Variants in TENM3 observed in about 807,000 individuals in gnomAD.
TENM3 encodes teneurin-3.
In TENM3, 63 loss-of-function variants were observed where a neutral mutation model predicts 255.1. The observed-to-expected ratio is 0.25, with a 90% CI of 0.20 to 0.30. The LOEUF (loss-of-function observed/expected upper bound fraction) is 0.30, where lower values mean the gene tolerates loss of function less well. Among genes scored for constraint, TENM3 ranks in the 10% least tolerant of loss-of-function variants. The pLI is 1.00. For synonymous variants in TENM3, 1,306 were observed against 1,322.3 expected (o/e 0.99, Z 0.27); for missense variants, 2,929 against 3,461.1 (o/e 0.85, Z 3.86).
At chr4:181,718,046 C>A in the TENM3 span, among the ~76,000 whole-genome samples, 1 of 151,356 alleles carries the variant, frequency 6.6e-6, no homozygotes, top group Non-Finnish European at 1.5e-5. Context: ...GCTGTGCATT[C>A]GACATAATAT....
chr4:181,802,888 G>T, the TENM3 span, among the ~76,000 whole-genome samples: 2 of 152,160 alleles, frequency 1.3e-5, no homozygotes, highest in South Asian at 4.2e-4. Flanking sequence ...AAATTACTTT[G>T]ATTACTCCTG....
At chr4:181,906,492 A>G in the TENM3 span, 3 of 155,350 alleles carry the variant, frequency 1.9e-5, no homozygotes, top group Non-Finnish European at 2.9e-5. Context: ...ACCTTACTTA[A>G]TCCTCAAGCG....
the TENM3 span, among the ~76,000 whole-genome samples, chr4:181,461,991 C>T: frequency 6.6e-6 from 1 of 152,072 alleles, no homozygotes; most frequent in Non-Finnish European, 1.5e-5. Flanking sequence ...TATTCCTTTC[C>T]AACAAAAGTA....
chr4:182,287,412 C>T (rs575445875), intron 1 of TENM3, among the ~76,000 whole-genome samples: 1 of 152,250 alleles, frequency 6.6e-6, no homozygotes, highest in South Asian at 2.1e-4. Flanking sequence ...TCTGCAGTTC[C>T]TTCCGCTTGA....
chr4:182,481,682 C>T (rs904880454), intron 3 of TENM3, among the ~76,000 whole-genome samples: 1 of 152,130 alleles, frequency 6.6e-6, no homozygotes, highest in Admixed American at 6.6e-5. Context: ...GTAGTCCCAG[C>T]TACTGGGAAG....
chr4:182,038,389 A>C, the TENM3 span, among the ~76,000 whole-genome samples: 1 of 152,228 alleles, frequency 6.6e-6, no homozygotes, highest in Non-Finnish European at 1.5e-5. Flanking sequence ...TAAGTGCTTT[A>C]CAAATGTTAA....
At chr4:182,331,369 A>C (rs924154917) in intron 2 of TENM3, among the ~76,000 whole-genome samples, 3 of 152,112 alleles carry the variant, frequency 2.0e-5, no homozygotes, top group Non-Finnish European at 2.9e-5. Context: ...AACATGCAGA[A>C]ACCCGGTCTC....
At chr4:182,344,537 C>T (rs541530449) in intron 2 of TENM3, among the ~76,000 whole-genome samples, 1 of 152,224 alleles carries the variant, frequency 6.6e-6, no homozygotes, top group African/African-American at 2.4e-5. Context: ...TCCTTCACCT[C>T]ATAGATTTTT....
intron 2 of TENM3, among the ~76,000 whole-genome samples, chr4:182,326,310 A>G (rs2150519428): frequency 6.6e-6 from 1 of 152,178 alleles, no homozygotes; most frequent in Non-Finnish European, 1.5e-5. Flanking sequence ...TCCCCTGGTG[A>G]GGTGGGTCCC....
chr4:182,177,365 T>C (rs986401908), intron 1 of TENM3, among the ~76,000 whole-genome samples: 6 of 152,116 alleles, frequency 3.9e-5, no homozygotes, highest in Non-Finnish European at 8.8e-5. Context: ...CCCGGCTGCA[T>C]TGGAGTTCCT....
chr4:181,743,871 G>T, the TENM3 span, among the ~76,000 whole-genome samples: 1 of 151,966 alleles, frequency 6.6e-6, no homozygotes, highest in Non-Finnish European at 1.5e-5. Flanking sequence ...TTGTTATATA[G>T]GTAAAAGTGT....
intron 3 of TENM3, among the ~76,000 whole-genome samples, chr4:182,401,660 C>A (rs959212495): frequency 2.0e-5 from 3 of 152,086 alleles, no homozygotes; most frequent in Non-Finnish European, 2.9e-5. Context: ...CACTGAGTCA[C>A]TTACTTTATT....
the TENM3 span, among the ~76,000 whole-genome samples, chr4:182,126,558 T>C: frequency 1.3e-5 from 2 of 152,170 alleles, no homozygotes; most frequent in African/African-American, 4.8e-5. Context: ...ACATCTTCAA[T>C]CCAGAAGTAT....
the TENM3 span, among the ~76,000 whole-genome samples, chr4:181,799,698 C>A: frequency 1.3e-5 from 2 of 148,620 alleles, no homozygotes; most frequent in Non-Finnish European, 3.0e-5. Flanking sequence ...CAAACACTTT[C>A]TTAGCAGGTA....
the TENM3 span, among the ~76,000 whole-genome samples, chr4:181,650,585 A>G: frequency 6.6e-6 from 1 of 152,194 alleles, no homozygotes; most frequent in Admixed American, 6.5e-5. Context: ...AATTCTGCAG[A>G]TCCCTATTAG....
chr4:182,405,995 G>A (rs1435336084), intron 3 of TENM3, among the ~76,000 whole-genome samples: 1 of 152,076 alleles, frequency 6.6e-6, no homozygotes, highest in Non-Finnish European at 1.5e-5. Context: ...GAATAATCTG[G>A]CACTATTGTG....
At chr4:182,526,816 T>A (rs1218458353) in intron 3 of TENM3, among the ~76,000 whole-genome samples, 1 of 152,242 alleles carries the variant, frequency 6.6e-6, no homozygotes, top group East Asian at 1.9e-4. Flanking sequence ...GTAGCTACCG[T>A]TCTCATGCTG....
At chr4:182,163,391 C>T (rs1751489243) in intron 1 of TENM3, among the ~76,000 whole-genome samples, 1 of 152,178 alleles carries the variant, frequency 6.6e-6, no homozygotes, top group Non-Finnish European at 1.5e-5. Flanking sequence ...AGCCCCGCCT[C>T]CCATCTCTTA....
At chr4:182,546,181 C>G (rs59451283) in intron 3 of TENM3, among the ~76,000 whole-genome samples, 29,972 of 152,132 alleles carry the variant, frequency 0.2, 4,004 homozygotes, top group African/African-American at 0.37. Flanking sequence ...AAGGGTTGGT[C>G]GTGCTGTCCC....
Sources: gnomAD v4.1 joint callset for allele counts (sites outside exome capture counted in the v4.1 genomes callset) on GRCh38, gnomAD v4.1.1 for gene constraint, MANE v1.5 for transcripts, NCBI Gene and HGNC (gene_info 2026-07-23, HGNC 2026-07-21) for gene names.